The following GPC5 variants were observed in gnomAD, a reference collection of about 807,000 sequenced individuals.
GPC5 encodes glypican 5.
GPC5 carries 47 observed loss-of-function variants against 53.9 expected under a neutral mutation model. The ratio of observed to expected loss-of-function variants is 0.87; its 90% CI spans 0.69 to 1.11. GPC5 has a LOEUF of 1.11. Among genes scored for constraint, GPC5 ranks in the 50% most tolerant of loss-of-function variants. The pLI, the probability that GPC5 is intolerant of heterozygous loss-of-function variation, is 0.00. For missense variants in GPC5, 748 were observed against 713.1 expected, an observed-to-expected ratio of 1.05 and a Z score of -0.56; for synonymous variants, 286 against 263.3, an observed-to-expected ratio of 1.09 and a Z score of -0.84.
chr13:92,578,660 T>C (rs1883264627), intron 7 of GPC5, among the ~76,000 whole-genome samples: 1 of 152,186 alleles, frequency 6.6e-6, no homozygotes. Flanking sequence ...ATCTAGTTCC[T>C]ACATGGATTG....
chr13:92,047,510 G>A (rs2040992554), intron 6 of GPC5, among the ~76,000 whole-genome samples: 1 of 150,554 alleles, frequency 6.6e-6, no homozygotes, highest in Non-Finnish European at 1.5e-5. Flanking sequence ...GACACATAAT[G>A]TGATTACTTT....
chr13:91,883,249 C>T (rs1320967163), intron 5 of GPC5, among the ~76,000 whole-genome samples: 1 of 152,152 alleles, frequency 6.6e-6, no homozygotes, highest in Non-Finnish European at 1.5e-5. Flanking sequence ...TGACTTTCCA[C>T]AGATCAAACA....
chr13:91,936,714 C>T (rs1040383332), intron 6 of GPC5, among the ~76,000 whole-genome samples: 14 of 150,298 alleles, frequency 9.3e-5, no homozygotes, highest in African/African-American at 2.9e-4. Context: ...GATATCTCCT[C>T]TGAAATTGGC....
chr13:91,963,084 G>C (rs1459055219), intron 6 of GPC5, among the ~76,000 whole-genome samples: 2 of 151,980 alleles, frequency 1.3e-5, no homozygotes, highest in Non-Finnish European at 2.9e-5. Context: ...TGTGTCTTTG[G>C]GCAGTTACTT....
At chr13:91,572,325 A>T (rs1177449187) in intron 2 of GPC5, among the ~76,000 whole-genome samples, 4 of 151,074 alleles carry the variant, frequency 2.6e-5, no homozygotes, top group African/African-American at 4.9e-5. Context: ...GAATAAAATA[A>T]CTTCGAGTTA....
At chr13:92,445,681 T>A (rs1246211392) in intron 7 of GPC5, among the ~76,000 whole-genome samples, 1 of 151,824 alleles carries the variant, frequency 6.6e-6, no homozygotes, top group Non-Finnish European at 1.5e-5. Flanking sequence ...TTCCATGGTG[T>A]ATATGTGCCA....
chr13:91,568,974 C>T (rs533111783), intron 2 of GPC5, among the ~76,000 whole-genome samples: 7 of 152,198 alleles, frequency 4.6e-5, no homozygotes, highest in African/African-American at 9.6e-5. Context: ...TGGTCTTAAA[C>T]TCTTGACTTC....
At chr13:91,637,791 T>C (rs2034320828) in intron 2 of GPC5, among the ~76,000 whole-genome samples, 1 of 152,316 alleles carries the variant, frequency 6.6e-6, no homozygotes. Context: ...AAATGAAGTT[T>C]AACTTTGATG....
chr13:92,518,891 A>G (rs1243139931), intron 7 of GPC5, among the ~76,000 whole-genome samples: 5 of 152,158 alleles, frequency 3.3e-5, no homozygotes, highest in Non-Finnish European at 5.9e-5. Context: ...CCCATCTCAC[A>G]TGCAGAGACA....
intron 5 of GPC5, among the ~76,000 whole-genome samples, chr13:91,795,284 T>G (rs1352464811): frequency 6.6e-6 from 1 of 152,220 alleles, no homozygotes; most frequent in African/African-American, 2.4e-5. Context: ...AGTTTTTATT[T>G]TTATTAATTT....
intron 2 of GPC5, among the ~76,000 whole-genome samples, chr13:91,586,423 A>G (rs2032568864): frequency 7.1e-6 from 1 of 141,126 alleles, no homozygotes; most frequent in African/African-American, 2.6e-5. Context: ...TAATTGACTG[A>G]CAGTTTCATA....
intron 6 of GPC5, among the ~76,000 whole-genome samples, chr13:92,068,711 T>C (rs1422597458): frequency 6.6e-6 from 1 of 151,654 alleles, no homozygotes; most frequent in Non-Finnish European, 1.5e-5. Context: ...TCTTTCATAT[T>C]GTTAATATAG....
chr13:91,689,216 T>C (rs1477667523), intron 2 of GPC5, among the ~76,000 whole-genome samples: 4 of 121,786 alleles, frequency 3.3e-5, no homozygotes, highest in African/African-American at 1.0e-4. Flanking sequence ...TATATATATA[T>C]ATATATATAT....
At chr13:92,078,282 TA>T (rs1332730983) in intron 6 of GPC5, among the ~76,000 whole-genome samples, 1 of 152,196 alleles carries the variant, frequency 6.6e-6, no homozygotes, top group Non-Finnish European at 1.5e-5. Context: ...CAAAAAGCAG[TA>T]AAACACCTTT....
chr13:92,355,163 A>G (rs1050427298), intron 7 of GPC5, among the ~76,000 whole-genome samples: 5 of 151,874 alleles, frequency 3.3e-5, no homozygotes, highest in African/African-American at 1.2e-4. Flanking sequence ...TATTTGAAGA[A>G]AAATTATTCT....
chr13:92,491,761 A>AT (rs1238901374), intron 7 of GPC5, among the ~76,000 whole-genome samples: 4 of 152,060 alleles, frequency 2.6e-5, no homozygotes, highest in South Asian at 2.1e-4. Flanking sequence ...CAAACTGTTG[A>AT]TTTTTTTCAG....
chr13:92,422,485 ATC>A (rs3064625), intron 7 of GPC5, among the ~76,000 whole-genome samples: 30,106 of 133,540 alleles, frequency 0.23, 3,606 homozygotes, highest in East Asian at 0.5. Flanking sequence ...ACCCATCACC[ATC>A]TCACACACAC....
chr13:92,820,497 C>CAT (rs1243900747), intron 7 of GPC5, among the ~76,000 whole-genome samples: 3 of 152,112 alleles, frequency 2.0e-5, no homozygotes, highest in Non-Finnish European at 2.9e-5. Context: ...CAGATCTGAT[C>CAT]ATATCACTCT....
At chr13:91,989,818 A>G (rs2040441029) in intron 6 of GPC5, among the ~76,000 whole-genome samples, 1 of 147,754 alleles carries the variant, frequency 6.8e-6, no homozygotes, top group African/African-American at 2.5e-5. Context: ...GTACTTTATT[A>G]AAATAAAATT....
Sources: allele counts gnomAD v4.1 joint callset (sites outside exome capture counted in the v4.1 genomes callset), GRCh38; gene constraint gnomAD v4.1.1; transcripts MANE v1.5; gene names NCBI Gene and HGNC (gene_info 2026-07-23, HGNC 2026-07-21).